Variants in TRPM1 observed in about 807,000 individuals in gnomAD.
The protein encoded by TRPM1 is transient receptor potential cation channel subfamily M member 1, also known as TRPM1-203 APA Isoform, Intron 10.
In TRPM1, 113 loss-of-function variants were observed where a neutral mutation model predicts 149.4. The ratio of observed to expected loss-of-function variants is 0.76; its 90% CI spans 0.65 to 0.88. The LOEUF (loss-of-function observed/expected upper bound fraction) is 0.88, where lower values mean the gene tolerates loss of function less well. Ranked by LOEUF, TRPM1 falls within the 40% of genes least tolerant of loss-of-function variation. The pLI is 0.00. For missense variants in TRPM1, 1,976 were observed against 2,038.7 expected, an observed-to-expected ratio of 0.97 and a Z score of 0.59; for synonymous variants, 741 against 759.5, an observed-to-expected ratio of 0.98 and a Z score of 0.40.
intron 1 of TRPM1, among the ~76,000 whole-genome samples, chr15:31,123,684 C>A (rs1006838918): frequency 6.6e-6 from 1 of 152,034 alleles, no homozygotes; most frequent in Non-Finnish European, 1.5e-5. Flanking sequence ...TGGCTAAAAC[C>A]CAAAAAACTG....
intron 20 of TRPM1, among the ~76,000 whole-genome samples, chr15:31,036,680 C>T (rs1453154478): frequency 1.3e-5 from 2 of 152,254 alleles, no homozygotes; most frequent in Non-Finnish European, 2.9e-5. Flanking sequence ...GGCCCCATCT[C>T]CGGCAGCAGC....
intron 11 of TRPM1, among the ~76,000 whole-genome samples, chr15:31,057,520 G>A (rs756941204): frequency 9.9e-5 from 15 of 152,094 alleles, no homozygotes; most frequent in Non-Finnish European, 1.9e-4. Flanking sequence ...ACCTGCACTT[G>A]TACCCCTGAA....
chr15:31,112,484 G>A (rs1354974626), intron 1 of TRPM1, among the ~76,000 whole-genome samples: 3 of 152,186 alleles, frequency 2.0e-5, no homozygotes, highest in African/African-American at 7.2e-5. Flanking sequence ...CCTAGTTAAG[G>A]ATTGCTAACA....
Position 31,028,455 on chromosome 15 carries a change from T to C in TRPM1, c.3170A>G (p.Tyr1057Cys). The stretch of plus-strand genomic sequence containing the variant: ...AGGAAGCCGCTTGCCCTCCTCATCA[T>C]ATAGGTTCTCACCACAAGGAGCTGA... ...EINPPCGENL[Y>C]DEEGKRLPPC... The change falls in exon 25 of 28, where the codon TAT (tyrosine) becomes TGT (cysteine). Residue 1057 changes from tyrosine (Y) to cysteine (C), a missense_variant. Physicochemically the swap from Tyr to Cys is radical, Grantham distance 194. This residue lies in a region of TRPM1 where 1,332 missense variants were observed against 1,347.1 expected (regional missense o/e 0.99). Coordinates refer to ENST00000256552, the MANE Select transcript of TRPM1 (RefSeq NM_001252024.2). 1 of 1,614,152 alleles carries C rather than the reference T, an allele frequency of 6.2e-7. No individual in the cohort carries two copies. Among genetic ancestry groups the C allele is most frequent in the South Asian group, 1.1e-5 (1 of 91,082 alleles).
intron 21 of TRPM1, 54 bp downstream of exon 21, chr15:31,035,492 T>C: frequency 6.2e-7 from 1 of 1,613,012 alleles, no homozygotes. Flanking sequence ...AGGAGCCATA[T>C]CTGCATTTGC....
intron 1 of TRPM1, among the ~76,000 whole-genome samples, chr15:31,094,333 C>T (rs2035320781): frequency 6.6e-6 from 1 of 151,500 alleles, no homozygotes; most frequent in Non-Finnish European, 1.5e-5. Context: ...TAAGCATGAA[C>T]AAGAAAAGAA....
intron 3 of TRPM1, among the ~76,000 whole-genome samples, chr15:31,072,175 A>G (rs979603827): frequency 6.6e-6 from 1 of 151,730 alleles, no homozygotes; most frequent in African/African-American, 2.4e-5. Context: ...TCTCACCACC[A>G]TCTATCTACC....
At chr15:31,070,375 G>GC in intron 3 of TRPM1, 149 bp from the exon 4 acceptor site, 1 of 776,240 alleles carries the variant, frequency 1.3e-6, no homozygotes, top group Non-Finnish European at 2.2e-6. Context: ...GGACAGAAAT[G>GC]CCCCATCTGA....
chr15:31,041,891 A>T (rs2033627182), intron 17 of TRPM1, 60 bp downstream of exon 17: 1 of 1,591,704 alleles, frequency 6.3e-7, no homozygotes, highest in African/African-American at 1.3e-5. Flanking sequence ...CCCTCCCTGC[A>T]GAGACAAGTA....
intron 6 of TRPM1, 120 bp from the exon 7 acceptor site, chr15:31,066,367 C>T: frequency 5.4e-6 from 6 of 1,114,634 alleles, no homozygotes; most frequent in South Asian, 1.3e-5. Context: ...CACATCTCTA[C>T]CCTGCCTTTT....
At chr15:31,017,877 C>T (rs1403286411) in intron 27 of TRPM1, among the ~76,000 whole-genome samples, 1 of 152,122 alleles carries the variant, frequency 6.6e-6, no homozygotes, top group African/African-American at 2.4e-5. Flanking sequence ...TATGGCATAA[C>T]TTTATTGGAC....
At position 31,067,950 on chromosome 15, in the gene TRPM1, ACTTGTTTCAG is replaced by A; in HGVS notation, c.412_421del (p.Leu138SerfsTer6). ...AGCCTTGATCAGGCCTTTCCCAAAG[ACTTGTTTCAG>A]CTTGGGCTGCATCTCAAAGTTCTGG... On this transcript the variant is annotated frameshift_variant, in exon 5 of 28. Transcript: ENST00000256552. LOFTEE classifies it high-confidence loss of function. 6.2e-7 allele frequency: 1 copy of A among 1,614,110 alleles called. No individual in the cohort carries two copies. Among genetic ancestry groups the A allele is most frequent in the Non-Finnish European group, 8.5e-7 (1 of 1,180,006 alleles).
chr15:31,082,355 G>A (rs563680152), intron 1 of TRPM1, among the ~76,000 whole-genome samples: 3 of 152,294 alleles, frequency 2.0e-5, no homozygotes, highest in Admixed American at 2.0e-4. Context: ...TACCCCGGCT[G>A]AGTGAAGGGA....
chr15:31,001,921 T>G lies in TRPM1; in HGVS notation c.4779A>C (p.Gly1593=). ...CTAAGCTGCTTACACTACTGGCATG[T>G]CCAGATCTGTCTAACTTTCCCTGAA... ...KSIQGKLDRS[G]HASSVSSLVI... is the part of the protein sequence containing the mutation. Residue 1593 remains glycine, a synonymous_variant, in exon 28 of 28, where the codon GGA becomes GGC. Transcript: ENST00000256552. 1 of 1,614,180 alleles carries G rather than the reference T, an allele frequency of 6.2e-7. No individual in the cohort carries two copies. Among genetic ancestry groups the G allele is most frequent in the Non-Finnish European group, 8.5e-7 (1 of 1,180,036 alleles).
At chr15:31,059,184 G>A (rs189902350) in intron 11 of TRPM1, among the ~76,000 whole-genome samples, 1 of 152,272 alleles carries the variant, frequency 6.6e-6, no homozygotes, top group East Asian at 1.9e-4. Context: ...TTACCAAGTG[G>A]AGAATTGATG....
Position 31,153,213 on chromosome 15 carries a change from G to T in TRPM1, c.54+7693C>A, listed in dbSNP as rs1049267259. Among the ~76,000 whole-genome samples the T allele has an allele frequency of 5.9e-5, 9 of 152,166 alleles. 1 individual carries two copies. The highest frequency in any genetic ancestry group is 4.6e-4 in the Admixed American group (7 of 15,278). On this transcript the variant is annotated intron_variant, in intron 1 of 26. Coordinates refer to the TRPM1 transcript ENST00000542188. ...TCTGGCACCTTTTTATGTCTGATAAGAAACATTTACAATCTATTCTCTCTG... is the reference window on the plus strand; with the variant it reads ...TCTGGCACCTTTTTATGTCTGATAATAAACATTTACAATCTATTCTCTCTG...
At position 31,067,152 on chromosome 15, in the gene TRPM1, G is replaced by C. The variant is rs1296943474; in HGVS notation, c.529C>G (p.His177Asp). Residue 177 changes from histidine to aspartate, a missense_variant, in exon 6 of 28, where the codon CAC becomes GAC. By Grantham distance (81) the His-to-Asp change is moderately conservative (BLOSUM62 -1). This residue lies in a region of TRPM1 where 1,332 missense variants were observed against 1,347.1 expected (regional missense o/e 0.99). Coordinates refer to ENST00000256552, the MANE Select transcript of TRPM1 (RefSeq NM_001252024.2). ...ISHVGDALKD[H>D]SSKSRGRVCA... Reference sequence around the variant, plus strand: ...ACCCGGCCTCTGGACTTGGAGGAGTGGTCTTTCAAGGCATCCCCTACGTGG... The same window carrying C: ...ACCCGGCCTCTGGACTTGGAGGAGTCGTCTTTCAAGGCATCCCCTACGTGG... 1.2e-6 allele frequency: 2 copies of C among 1,614,082 alleles called. No individual in the cohort carries two copies. The highest frequency in any genetic ancestry group is 1.7e-6 in the Non-Finnish European group (2 of 1,180,032).
rs1365166738 is a variant in TRPM1, at chr15:31,061,385, G to A, written c.1162+57C>T. On this transcript the variant is annotated intron_variant, in intron 10 of 27. Transcript: ENST00000256552. The stretch of plus-strand genomic sequence containing the variant: ...AGTCCATGGGAGGCCGGGAGGGAAG[G>A]ATTGCCGGCTAGGCCAACATCAGAG... 5 of 1,554,442 alleles carry A rather than the reference G, an allele frequency of 3.2e-6. No homozygotes were observed. In the East Asian group the frequency reaches 6.7e-5, roughly 21 times the overall value.
chr15:31,023,407 G>A (rs113149297), intron 27 of TRPM1, among the ~76,000 whole-genome samples: 3 of 152,244 alleles, frequency 2.0e-5, no homozygotes, highest in African/African-American at 2.4e-5. Context: ...GACAGTGGGG[G>A]CCACAGAGGG....
Sources: allele counts gnomAD v4.1 joint callset (sites outside exome capture counted in the v4.1 genomes callset), GRCh38; gene constraint gnomAD v4.1.1; regional missense constraint gnomAD v4.1.1; transcripts MANE v1.5; gene names NCBI Gene and HGNC (gene_info 2026-07-23, HGNC 2026-07-21).